The following MMP19 variants were observed in gnomAD, a reference collection of about 807,000 sequenced individuals.
MMP19 encodes the protein matrix metallopeptidase 19, also known as matrix metalloproteinase-19.
Under a neutral mutation model 46.6 loss-of-function variants are expected in MMP19, and 47 were observed. The ratio of observed to expected loss-of-function variants is 1.01; its 90% CI spans 0.80 to 1.29. The LOEUF is 1.29. Among genes scored for constraint, MMP19 ranks in the 50% most tolerant of loss-of-function variants. The probability of loss-of-function intolerance (pLI) is 0.00; values close to 1 mark genes in which losing one functional copy is unlikely to be tolerated. For synonymous variants in MMP19, 222 were observed against 248.5 expected (o/e 0.89, Z 1.00); for missense variants, 589 against 643.5 (o/e 0.92, Z 0.92).
chr12:55,836,600 C>G lies in MMP19; in HGVS notation c.*436G>C, dbSNP rs1881227486. 1 of 156,340 alleles carries G rather than the reference C, an allele frequency of 6.4e-6. No homozygotes were observed. Among genetic ancestry groups the G allele is most frequent in the Non-Finnish European group, 1.4e-5 (1 of 70,836 alleles). 9.7% of individuals were successfully genotyped at this position (156,340 alleles called of 1,614,324 possible). On this transcript the variant is annotated 3_prime_UTR_variant, in exon 9 of 9. Transcript: ENST00000322569. Reference sequence around the variant, plus strand: ...TAATTAGCTTGCCCGTAATCATAAGCACATAAATGTGATTCTCAAGGATTC... The same window carrying G: ...TAATTAGCTTGCCCGTAATCATAAGGACATAAATGTGATTCTCAAGGATTC...
At chr12:55,841,071 C>T (rs978931201) in intron 3 of MMP19, 35 bp downstream of exon 3, 1 of 1,601,946 alleles carries the variant, frequency 6.2e-7, no homozygotes. Context: ...ACATCACCCC[C>T]TCCTCTCCCT....
chr12:55,838,598 G>A lies in MMP19; in HGVS notation c.895+8C>T, dbSNP rs1881435995. 4 of 1,614,040 alleles carry A rather than the reference G, an allele frequency of 2.5e-6. No individual in the cohort carries two copies. The highest frequency in any genetic ancestry group is 2.5e-6 in the Non-Finnish European group (3 of 1,180,034). ...GCCTGCCAACAGCCTGGAGGGGAGG[G>A]GCCTCACCCAGCATCATGGCATCCA... On this transcript the variant is annotated splice_region_variant and intron_variant, in intron 6 of 8. Coordinates refer to ENST00000322569, the MANE Select transcript of MMP19 (RefSeq NM_002429.6).
At chr12:55,840,480 G>C (rs1272633602) in intron 4 of MMP19, among the ~76,000 whole-genome samples, 187 bp downstream of exon 4, 4 of 151,810 alleles carry the variant, frequency 2.6e-5, no homozygotes, top group Non-Finnish European at 5.9e-5. Flanking sequence ...GAGGGAGGAA[G>C]TTTCAAACAG....
At chr12:55,838,780 T>C (rs768350860) in intron 5 of MMP19, 46 bp from the exon 6 acceptor site, 5 of 1,469,744 alleles carry the variant, frequency 3.4e-6, no homozygotes. Flanking sequence ...TCACAGCACC[T>C]GTCCTCCACA....
chr12:55,837,964 CCA>C lies in MMP19; in HGVS notation c.937_938del (p.Trp313AspfsTer40). ...KTYAFKGDYV[W>X]TVSDSGPGPL... Reference sequence around the variant, plus strand: ...GGCCCGGTCCTGAATCTGATACAGTCCACACATAGTCCCCCTTGAAAGCATAG... The same window carrying C: ...GGCCCGGTCCTGAATCTGATACAGTCCACATAGTCCCCCTTGAAAGCATAG... On this transcript the variant is annotated frameshift_variant, in exon 7 of 9. Transcript: ENST00000322569. LOFTEE classifies it high-confidence loss of function. 2 of 1,603,292 alleles carry C rather than the reference CCA, an allele frequency of 1.2e-6. No homozygotes were observed. Among genetic ancestry groups the C allele is most frequent in the East Asian group, 4.5e-5 (2 of 44,544 alleles).
At chr12:55,842,490 A>C (rs1881767725) in intron 1 of MMP19, 52 bp from the exon 2 acceptor site, 1 of 1,367,324 alleles carries the variant, frequency 7.3e-7, no homozygotes, top group Non-Finnish European at 1.0e-6. Context: ...TCTCAGAGTA[A>C]AGCTTCTAAG....
chr12:55,841,079 CCT>C (rs746483227), intron 3 of MMP19, 25 bp downstream of exon 3: 67 of 1,604,264 alleles, frequency 4.2e-5, no homozygotes, highest in Non-Finnish European at 1.4e-5. Flanking sequence ...CCCTCCTCTC[CCT>C]CTCTTTTCCA....
chr12:55,836,789 GTT>G lies in MMP19; in HGVS notation c.*245_*246del. ...AAATGGAGTTGGGGGCCAAATCTAAGTTAGGGGATCTGAGTTAGGGGAGCACT... is the reference window on the plus strand; with the variant it reads ...AAATGGAGTTGGGGGCCAAATCTAAGAGGGGATCTGAGTTAGGGGAGCACT... On this transcript the variant is annotated 3_prime_UTR_variant, in exon 9 of 9. Coordinates refer to ENST00000322569, the MANE Select transcript of MMP19 (RefSeq NM_002429.6). 1 of 364,376 alleles carries G rather than the reference GTT, an allele frequency of 2.7e-6. No homozygotes were observed. The highest frequency in any genetic ancestry group is 4.9e-6 in the Non-Finnish European group (1 of 202,180). The allele number at this position is 364,376 out of a possible 1,614,324, so 22.6% of individuals were successfully genotyped here.
intron 4 of MMP19, chr12:55,839,957 C>T (rs766759455): frequency 9.8e-6 from 6 of 614,954 alleles, no homozygotes. Flanking sequence ...CCAGCCACTC[C>T]CTGCTCTCTG....
At position 55,837,209 on chromosome 12, in the gene MMP19, T is replaced by C. The variant is rs1881287080; in HGVS notation, c.1354A>G (p.Asn452Asp). Residue 452 changes from asparagine to aspartate, a missense_variant, in exon 9 of 9, where the codon AAC becomes GAC. Coordinates refer to ENST00000322569, the MANE Select transcript of MMP19 (RefSeq NM_002429.6). ...FFKGKVYWRL[N>D]QQLRVEKGYP... ...CCTTTCTCTACTCGAAGCTGCTGGT[T>C]GAGGCGCCAGTAGACTTTGCCCTTG... 6.2e-7 allele frequency: 1 copy of C among 1,614,232 alleles called. No homozygotes were observed. Among genetic ancestry groups the C allele is most frequent in the East Asian group, 2.2e-5 (1 of 44,884 alleles).
chr12:55,838,051 A>G (rs773018091), intron 6 of MMP19, 44 bp from the exon 7 acceptor site: 3 of 1,514,740 alleles, frequency 2.0e-6, no homozygotes, highest in Admixed American at 4.4e-5. Flanking sequence ...ACAGAGGTCA[A>G]GTAGACAGAA....
intron 5 of MMP19, 141 bp from the exon 6 acceptor site, chr12:55,838,875 T>C (rs1042690263): frequency 3.1e-6 from 2 of 655,584 alleles, no homozygotes; most frequent in South Asian, 2.0e-5. Context: ...GTAGGCAATA[T>C]TATGTTGATA....
Position 55,837,333 on chromosome 12 carries a change from G to T in MMP19, c.1230C>A (p.Asp410Glu). ...TGATTGGTTTGGGGTAGCTGCTGAA[G>T]TCAGTTCGGGCTAGCTCGTCCCACT... is the stretch of plus-strand genomic sequence containing the variant. ...YWQWDELART[D>E]FSSYPKPIKG... Residue 410 changes from aspartate to glutamate, a missense_variant, in exon 9 of 9, where the codon GAC (aspartate) becomes GAA (glutamate). Coordinates refer to ENST00000322569, the MANE Select transcript of MMP19 (RefSeq NM_002429.6). 1 of 1,610,486 alleles carries T rather than the reference G, an allele frequency of 6.2e-7. No homozygotes were observed. The highest frequency in any genetic ancestry group is 8.5e-7 in the Non-Finnish European group (1 of 1,176,996).
At chr12:55,838,103 C>T in intron 6 of MMP19, 96 bp from the exon 7 acceptor site, 1 of 1,177,574 alleles carries the variant, frequency 8.5e-7, no homozygotes, top group Non-Finnish European at 1.2e-6. Flanking sequence ...TGCCCTCTCC[C>T]TGCAGGCTGA....
rs1289825203 is a variant in MMP19, at chr12:55,836,471, A to G, written c.*565T>C. The stretch of plus-strand genomic sequence containing the variant: ...TTTATTAAACACAAATGTACCAGAC[A>G]CTGTGCCAGGCACTTCACATACAGT... On this transcript the variant is annotated 3_prime_UTR_variant, in exon 9 of 9. Coordinates refer to ENST00000322569, the MANE Select transcript of MMP19 (RefSeq NM_002429.6). 1 of 152,654 alleles carries G rather than the reference A, an allele frequency of 6.6e-6. No individual in the cohort carries two copies. The highest frequency in any genetic ancestry group is 6.5e-5 in the Admixed American group (1 of 15,280). 9.5% of individuals were successfully genotyped at this position (152,654 alleles called of 1,614,324 possible).
At chr12:55,839,092 A>G (rs149275090) in intron 5 of MMP19, among the ~76,000 whole-genome samples, 15 of 152,092 alleles carry the variant, frequency 9.9e-5, no homozygotes, top group African/African-American at 2.2e-4. Context: ...TACAAAAACA[A>G]TTAGCTGGGC....
At position 55,841,089 on chromosome 12, in the gene MMP19, C is replaced by T; in HGVS notation, c.304+17G>A. 2 of 1,607,024 alleles carry T rather than the reference C, an allele frequency of 1.2e-6. No individual in the cohort carries two copies. The highest frequency in any genetic ancestry group is 1.7e-6 in the Non-Finnish European group (2 of 1,175,350). ...TCACCCCCTCCTCTCCCTCTCTTTT[C>T]CAGGCTCTGTTCTCACCCAGCAACA... On this transcript the variant is annotated intron_variant, in intron 3 of 8. Transcript: ENST00000322569.
In MMP19 at chr12:55,839,512, C is replaced by T; in HGVS notation, c.750G>A (p.Gly250=). The change falls in exon 5 of 9, where the codon GGG becomes GGA. Residue 250 remains glycine (G), a synonymous_variant. Coordinates refer to ENST00000322569, the MANE Select transcript of MMP19 (RefSeq NM_002429.6). Reference sequence around the variant, plus strand: ...GGGACTGACCATAGAGAGCCTGGATCCCTGCCACATCATCTGGGTGCAGCT... The same window carrying T: ...GGGACTGACCATAGAGAGCCTGGATTCCTGCCACATCATCTGGGTGCAGCT... The part of the protein sequence containing the change: ...HFKLHPDDVA[G]IQALYGKKSP... The T allele has an allele frequency of 1.2e-6, 2 of 1,610,420 alleles. No homozygotes were observed. The highest frequency in any genetic ancestry group is 1.7e-6 in the Non-Finnish European group (2 of 1,177,048).
chr12:55,840,043 C>T (rs1021470562), intron 4 of MMP19: 5 of 339,104 alleles, frequency 1.5e-5, no homozygotes, highest in Middle Eastern at 8.3e-4. Flanking sequence ...GAAGCATAGG[C>T]AGCCAGGGGT....
Sources: allele counts gnomAD v4.1 joint callset (sites outside exome capture counted in the v4.1 genomes callset), GRCh38; gene constraint gnomAD v4.1.1; transcripts MANE v1.5; gene names NCBI Gene and HGNC (gene_info 2026-07-23, HGNC 2026-07-21).